DPP6: variants seen among roughly 807,000 people sequenced by gnomAD.
DPP6 encodes dipeptidyl peptidase like 6, also known as A-type potassium channel modulatory protein DPP6.
DPP6 carries 69 observed loss-of-function variants against 122.6 expected under a neutral mutation model. The observed-to-expected ratio is 0.56, with a 90% CI of 0.46 to 0.69. The LOEUF (loss-of-function observed/expected upper bound fraction) is 0.69, where lower values mean the gene tolerates loss of function less well. Ranked by LOEUF, DPP6 falls within the 30% of genes least tolerant of loss-of-function variation. The pLI is 0.00. For synonymous variants in DPP6, 418 were observed against 433.1 expected, an observed-to-expected ratio of 0.97 and a Z score of 0.43; for missense variants, 928 against 1,116.9, an observed-to-expected ratio of 0.83 and a Z score of 2.41.
chr7:154,806,324 C>T (rs1798694990), intron 15 of DPP6, among the ~76,000 whole-genome samples: 1 of 152,190 alleles, frequency 6.6e-6, no homozygotes, highest in Non-Finnish European at 1.5e-5. Context: ...CCAGGTAGAT[C>T]CGGTATCTTA....
At chr7:154,306,675 C>T (rs1014879246) in intron 1 of DPP6, among the ~76,000 whole-genome samples, 3 of 152,212 alleles carry the variant, frequency 2.0e-5, no homozygotes, top group African/African-American at 4.8e-5. Flanking sequence ...GCCCATTTAT[C>T]GATAAAAGGG....
At chr7:154,517,699 G>A (rs569677786) in intron 3 of DPP6, among the ~76,000 whole-genome samples, 1 of 152,056 alleles carries the variant, frequency 6.6e-6, no homozygotes, top group Non-Finnish European at 1.5e-5. Context: ...AAAGAAATAT[G>A]TTGCCTTTTA....
intron 17 of DPP6, among the ~76,000 whole-genome samples, chr7:154,866,954 C>G (rs1460456998): frequency 1.3e-5 from 2 of 151,574 alleles, no homozygotes; most frequent in Admixed American, 6.6e-5. Context: ...CCTCCAGCTG[C>G]CCCGGAGAAG....
At chr7:154,275,536 A>G (rs1804072304) in intron 1 of DPP6, among the ~76,000 whole-genome samples, 1 of 152,220 alleles carries the variant, frequency 6.6e-6, no homozygotes, top group African/African-American at 2.4e-5. Flanking sequence ...AATTGAGAAG[A>G]CAAAAAGCAA....
At chr7:154,793,186 T>A (rs1354366887) in intron 10 of DPP6, among the ~76,000 whole-genome samples, 1 of 152,112 alleles carries the variant, frequency 6.6e-6, no homozygotes, top group Admixed American at 6.5e-5. Flanking sequence ...AAAGTAATCA[T>A]TCTGAACAGT....
chr7:154,564,768 T>C (rs1257199468), intron 4 of DPP6, among the ~76,000 whole-genome samples: 2 of 152,220 alleles, frequency 1.3e-5, no homozygotes, highest in Non-Finnish European at 2.9e-5. Context: ...CCCAAGGTGA[T>C]AATCACAGCA....
At chr7:153,862,639 A>T in the DPP6 span, among the ~76,000 whole-genome samples, 1 of 152,316 alleles carries the variant, frequency 6.6e-6, no homozygotes, top group South Asian at 2.1e-4. Flanking sequence ...TTCCTTCTAA[A>T]TGTAATTAAA....
At chr7:154,334,842 G>A (rs1000628358) in intron 1 of DPP6, among the ~76,000 whole-genome samples, 1 of 152,104 alleles carries the variant, frequency 6.6e-6, no homozygotes, top group African/African-American at 2.4e-5. Flanking sequence ...GTTACAGTGA[G>A]CCAAGATTGT....
intron 1 of DPP6, among the ~76,000 whole-genome samples, chr7:153,931,857 C>T (rs1040091818): frequency 3.3e-5 from 5 of 152,174 alleles, no homozygotes; most frequent in African/African-American, 9.7e-5. Context: ...CTTTTGGTGC[C>T]TTAATTTGCA....
At chr7:154,144,146 G>T (rs1415001748) in intron 1 of DPP6, among the ~76,000 whole-genome samples, 1 of 152,100 alleles carries the variant, frequency 6.6e-6, no homozygotes, top group Non-Finnish European at 1.5e-5. Flanking sequence ...ACTTACTAAG[G>T]TTGAATTTTT....
rs539704576 is a variant in DPP6, at chr7:154,383,750, C to T, written c.244-62464C>T. Among the ~76,000 whole-genome samples the T allele has an allele frequency of 4.5e-4, 68 of 151,964 alleles. 2 individuals carry two copies. The East Asian group carries it at 9.3e-3, about 21-fold the overall frequency. ...ACAAAAAATACAAAAATTAGCCAGG[C>T]ATGGTGGTGCGTGCCTGTAATCCCA... On this transcript the variant is annotated intron_variant, in intron 1 of 25. Transcript: ENST00000377770.
At chr7:154,399,782 C>T (rs1443821741) in intron 1 of DPP6, among the ~76,000 whole-genome samples, 1 of 152,160 alleles carries the variant, frequency 6.6e-6, no homozygotes, top group Non-Finnish European at 1.5e-5. Context: ...TGTTCTGCCC[C>T]ATTTGGGGTG....
At chr7:154,887,413 A>C (rs902224919) in intron 22 of DPP6, among the ~76,000 whole-genome samples, 1 of 152,222 alleles carries the variant, frequency 6.6e-6, no homozygotes, top group East Asian at 1.9e-4. Flanking sequence ...TGCTTAATTA[A>C]GGTTCTGCGA....
At chr7:154,667,371 T>A (rs1838230013) in intron 6 of DPP6, among the ~76,000 whole-genome samples, 1 of 152,110 alleles carries the variant, frequency 6.6e-6, no homozygotes, top group African/African-American at 2.4e-5. Context: ...TCAAAGCTTT[T>A]CTCTACACCA....
At chr7:153,854,447 CAAAAG>C in the DPP6 span, among the ~76,000 whole-genome samples, 11 of 150,554 alleles carry the variant, frequency 7.3e-5, no homozygotes, top group African/African-American at 2.4e-4. Flanking sequence ...AGACACTTCT[CAAAAG>C]AAGACATTTA....
intron 3 of DPP6, among the ~76,000 whole-genome samples, chr7:154,496,847 A>C (rs1412048174): frequency 6.6e-6 from 1 of 152,184 alleles, no homozygotes; most frequent in East Asian, 1.9e-4. Flanking sequence ...GGTGTAGCTC[A>C]ATCTTCCATG....
At chr7:154,002,340 A>G (rs1797725876) in intron 1 of DPP6, among the ~76,000 whole-genome samples, 1 of 152,112 alleles carries the variant, frequency 6.6e-6, no homozygotes, top group Admixed American at 6.5e-5. Context: ...GATGACTAAA[A>G]GCAAGGCCTG....
At chr7:153,932,868 C>G (rs1585050856) in intron 1 of DPP6, among the ~76,000 whole-genome samples, 1 of 152,144 alleles carries the variant, frequency 6.6e-6, no homozygotes, top group Non-Finnish European at 1.5e-5. Context: ...ATTGTAGCTC[C>G]CATAATCCCC....
chr7:154,063,586 G>T (rs1408559224), intron 1 of DPP6, among the ~76,000 whole-genome samples: 1 of 107,718 alleles, frequency 9.3e-6, no homozygotes, highest in Non-Finnish European at 1.9e-5. Flanking sequence ...CTGGCTGATA[G>T]TACCCCCATC....
Sources: gnomAD v4.1 joint callset for allele counts (sites outside exome capture counted in the v4.1 genomes callset) on GRCh38, gnomAD v4.1.1 for gene constraint, MANE v1.5 for transcripts, NCBI Gene and HGNC (gene_info 2026-07-23, HGNC 2026-07-21) for gene names.